Variants in ERCC6L2 observed in about 807,000 individuals in gnomAD.
ERCC6L2 encodes the protein ERCC excision repair 6 like 2, also known as DNA excision repair protein ERCC-6-like 2.
In ERCC6L2, 77 loss-of-function variants were observed where a neutral mutation model predicts 132.0. The observed-to-expected ratio is 0.58, with a 90% CI of 0.49 to 0.71. The LOEUF (loss-of-function observed/expected upper bound fraction) is 0.71, where lower values mean the gene tolerates loss of function less well. Among genes scored for constraint, ERCC6L2 ranks in the 30% least tolerant of loss-of-function variants. The pLI is 0.00. For synonymous variants in ERCC6L2, 583 were observed against 632.4 expected, an observed-to-expected ratio of 0.92 and a Z score of 1.17; for missense variants, 1,542 against 1,837.6, an observed-to-expected ratio of 0.84 and a Z score of 2.94.
chr9:96,019,717 CGAGAAATACCT>C (rs1834251489), downstream of ERCC6L2: 1 of 152,184 alleles, frequency 6.6e-6, no homozygotes, highest in Admixed American at 6.5e-5. Flanking sequence ...AAGAAATACC[CGAGAAATACCT>C]GGGTTAATTT....
At chr9:96,031,159 T>G (rs1185347411) in intron 19 of ERCC6L2, among the ~76,000 whole-genome samples, 2 of 152,210 alleles carry the variant, frequency 1.3e-5, no homozygotes, top group Non-Finnish European at 1.5e-5. Context: ...TAGAGCAGTG[T>G]CTGTGCAAGC....
At chr9:95,881,921 G>T (rs1330196321) in intron 2 of ERCC6L2, among the ~76,000 whole-genome samples, 2 of 152,230 alleles carry the variant, frequency 1.3e-5, no homozygotes, top group African/African-American at 4.8e-5. Flanking sequence ...GTTTCTGTGG[G>T]TTGGGAATCC....
intron 1 of ERCC6L2, 82 bp from the exon 2 acceptor site, chr9:95,880,787 A>G (rs935821334): frequency 7.2e-6 from 9 of 1,254,422 alleles, no homozygotes; most frequent in Non-Finnish European, 7.8e-6. Flanking sequence ...TGTGAGGTAT[A>G]TATTGTTTCT....
intron 9 of ERCC6L2, among the ~76,000 whole-genome samples, chr9:95,924,438 A>C (rs1179798699): frequency 6.6e-6 from 1 of 152,094 alleles, no homozygotes; most frequent in African/African-American, 2.4e-5. Flanking sequence ...CTAAGGTAGC[A>C]AATTTTTGTC....
intron 12 of ERCC6L2, among the ~76,000 whole-genome samples, chr9:95,942,274 G>T (rs948924058): frequency 6.6e-6 from 1 of 152,130 alleles, no homozygotes; most frequent in African/African-American, 2.4e-5. Flanking sequence ...CGGCTTTCCA[G>T]TGATGCACCT....
rs1055812336 is a variant in ERCC6L2, at chr9:96,040,054, A to AT, written c.*1755+929dup. ...GGCAATATAGCAAGCCCCATCTCTA[A>AT]TTAAAAAAAAAAAGACATGGTCCTT... On this transcript the variant is annotated intron_variant and NMD_transcript_variant, in intron 20 of 20. Coordinates refer to the ERCC6L2 transcript ENST00000670016. 2.1e-4 allele frequency among the ~76,000 whole-genome samples: 16 copies of AT among 77,438 alleles called. No homozygotes were observed. The South Asian group carries it at 4.1e-3, about 20-fold the overall frequency. 50.8% of individuals were successfully genotyped at this position (77,438 alleles called of 152,430 possible).
At chr9:96,030,423 G>A (rs1354533581) in intron 19 of ERCC6L2, among the ~76,000 whole-genome samples, 1 of 152,046 alleles carries the variant, frequency 6.6e-6, no homozygotes, top group African/African-American at 2.4e-5. Context: ...TTTAAGAGCT[G>A]TAGTACTCTC....
At chr9:95,964,003 A>G (rs1354724415) in intron 13 of ERCC6L2, among the ~76,000 whole-genome samples, 1 of 151,994 alleles carries the variant, frequency 6.6e-6, no homozygotes, top group East Asian at 1.9e-4. Flanking sequence ...TTTGTAATTG[A>G]TATGTAGTTT....
intron 15 of ERCC6L2, among the ~76,000 whole-genome samples, chr9:95,971,045 G>A (rs1832388149): frequency 6.6e-6 from 1 of 152,098 alleles, no homozygotes; most frequent in Non-Finnish European, 1.5e-5. Flanking sequence ...CCTGAAAGTA[G>A]ATATTTGATT....
chr9:96,001,341 G>A (rs941617471), intron 17 of ERCC6L2, among the ~76,000 whole-genome samples: 28 of 152,240 alleles, frequency 1.8e-4, no homozygotes, highest in South Asian at 8.3e-4. Context: ...TGGTGGAGCC[G>A]AGTGGCCTGT....
In ERCC6L2 at chr9:95,972,243, C is replaced by T. The variant is rs532544338; in HGVS notation, c.2492C>T (p.Ala831Val). 3.6e-5 allele frequency: 47 copies of T among 1,304,052 alleles called. No homozygotes were observed. The African/African-American group carries it at 7.0e-4, about 19-fold the overall frequency. The allele number at this position is 1,304,052 out of a possible 1,614,324, so 80.8% of individuals were successfully genotyped here. Residue 831 changes from alanine (A) to valine (V), a missense_variant, in exon 16 of 19, where the codon GCC becomes GTC. Physicochemically the swap from Ala to Val is moderately conservative, Grantham distance 64. Around this residue, in one of 4 missense-constraint regions of ERCC6L2, gnomAD observed 945 missense variants for 1,105.2 expected, o/e 0.86. Transcript: ENST00000653738. ...DEQPTCLSTEAKDAGCEKNQD... is the reference protein window; with the variant it reads ...DEQPTCLSTEVKDAGCEKNQD... ...CAGCCCACATGCCTTTCAACAGAAG[C>T]CAAAGATGCTGGTTGTGAGAAAAAT...
chr9:95,915,536 C>CT (rs1188170516), intron 4 of ERCC6L2, 132 bp from the exon 5 acceptor site: 1 of 872,958 alleles, frequency 1.1e-6, no homozygotes, highest in Non-Finnish European at 1.8e-6. Context: ...GGTAAGAATC[C>CT]AATGGAGTCA....
chr9:95,986,671 A>G (rs960682768), intron 17 of ERCC6L2, among the ~76,000 whole-genome samples: 1 of 151,710 alleles, frequency 6.6e-6, no homozygotes, highest in Non-Finnish European at 1.5e-5. Flanking sequence ...TAATTTTTGT[A>G]TTTTTAGTAG....
intron 12 of ERCC6L2, among the ~76,000 whole-genome samples, chr9:95,949,625 G>A (rs1264537682): frequency 6.6e-6 from 1 of 152,158 alleles, no homozygotes; most frequent in Non-Finnish European, 1.5e-5. Flanking sequence ...AGAATTTTAT[G>A]TTGGGCAAAA....
At position 95,952,601 on chromosome 9, in the gene ERCC6L2, G is replaced by A. The variant is rs1034593517; in HGVS notation, c.1848-3313G>A. On this transcript the variant is annotated intron_variant, in intron 12 of 18. Coordinates refer to ENST00000653738, the MANE Select transcript of ERCC6L2 (RefSeq NM_020207.7). ...AAATAAAAGGAAACAAGCCAGGCAC[G>A]TTGGCTCGTGCCTCTTGAGGTCAGG... Among the ~76,000 whole-genome samples the A allele has an allele frequency of 3.3e-5, 5 of 152,260 alleles. 1 individual carries two copies. Among genetic ancestry groups the A allele is most frequent in the Admixed American group, 3.3e-4 (5 of 15,298 alleles).
chr9:96,027,385 C>T (rs978974465), intron 19 of ERCC6L2, among the ~76,000 whole-genome samples: 2 of 152,212 alleles, frequency 1.3e-5, no homozygotes, highest in African/African-American at 2.4e-5. Context: ...GCCCAGGCCC[C>T]GCGGGCTGCG....
intron 11 of ERCC6L2, among the ~76,000 whole-genome samples, chr9:95,935,881 G>A (rs191428642): frequency 3.3e-5 from 5 of 152,260 alleles, no homozygotes; most frequent in African/African-American, 1.2e-4. Context: ...TAAGGATTAA[G>A]TTAACGATTT....
chr9:96,027,822 G>C (rs1380374397), intron 19 of ERCC6L2: 1 of 152,374 alleles, frequency 6.6e-6, no homozygotes, highest in Non-Finnish European at 1.5e-5. Flanking sequence ...GCCTTCTACT[G>C]AATCTCCTCC....
In ERCC6L2 at chr9:95,906,575, T is replaced by C. The variant is rs115702261; in HGVS notation, c.595-503T>C. 746 of 446,006 alleles carry C rather than the reference T, an allele frequency of 1.7e-3. 7 individuals carry two copies. The highest frequency in any genetic ancestry group is 0.014 in the African/African-American group (690 of 49,286). 27.6% of individuals were successfully genotyped at this position (446,006 alleles called of 1,614,324 possible). ...ATCCAGGAAGTTTTCTTCTGATTGC[T>C]TCAATTTTCCAGTGAATTTTCCAGT... On this transcript the variant is annotated intron_variant, in intron 3 of 18. Transcript: ENST00000653738.
Sources: allele counts gnomAD v4.1 joint callset (sites outside exome capture counted in the v4.1 genomes callset), GRCh38; gene constraint gnomAD v4.1.1; regional missense constraint gnomAD v4.1.1; transcripts MANE v1.5; gene names NCBI Gene and HGNC (gene_info 2026-07-23, HGNC 2026-07-21).